The following CDH12 variants were observed in gnomAD, a reference collection of about 807,000 sequenced individuals.
CDH12 encodes cadherin 12.
A neutral mutation model predicts 74.1 loss-of-function variants in CDH12; 41 were observed. That is an observed-to-expected ratio of 0.55 (90% CI 0.43 to 0.72). The LOEUF is 0.72. Among genes scored for constraint, CDH12 ranks in the 30% least tolerant of loss-of-function variants. The pLI, the probability that CDH12 is intolerant of heterozygous loss-of-function variation, is 0.00. For synonymous variants in CDH12, 399 were observed against 355.0 expected, an observed-to-expected ratio of 1.12 and a Z score of -1.39; for missense variants, 945 against 977.2, an observed-to-expected ratio of 0.97 and a Z score of 0.44.
intron 4 of CDH12, among the ~76,000 whole-genome samples, chr5:22,161,417 G>T (rs1398022410): frequency 2.0e-5 from 3 of 152,048 alleles, no homozygotes; most frequent in Non-Finnish European, 4.4e-5. Context: ...AAAATATCTG[G>T]CTGGGCATGT....
chr5:22,250,793 G>A (rs1753109094), intron 3 of CDH12, among the ~76,000 whole-genome samples: 3 of 152,158 alleles, frequency 2.0e-5, no homozygotes, highest in Admixed American at 2.0e-4. Flanking sequence ...GAACTAATAA[G>A]AGAGGGCTTG....
chr5:22,478,416 T>C (rs1347858167), intron 2 of CDH12, among the ~76,000 whole-genome samples: 5 of 6,100 alleles, frequency 8.2e-4, no homozygotes, highest in Non-Finnish European at 1.8e-3. Flanking sequence ...AGACTCCGTC[T>C]CAAAAAAAAA....
At chr5:22,560,120 A>C (rs1380259694) in intron 1 of CDH12, among the ~76,000 whole-genome samples, 2 of 152,106 alleles carry the variant, frequency 1.3e-5, no homozygotes, top group East Asian at 3.8e-4. Flanking sequence ...TTTTTGATGA[A>C]GATGTCTTTA....
At chr5:21,899,380 G>C (rs1753279280) in intron 6 of CDH12, among the ~76,000 whole-genome samples, 1 of 152,148 alleles carries the variant, frequency 6.6e-6, no homozygotes, top group African/African-American at 2.4e-5. Flanking sequence ...TTAGAAAATA[G>C]ATACTTGATA....
At chr5:22,177,057 C>T (rs1160237405) in intron 4 of CDH12, among the ~76,000 whole-genome samples, 1 of 152,092 alleles carries the variant, frequency 6.6e-6, no homozygotes, top group Non-Finnish European at 1.5e-5. Context: ...TTTATGATAA[C>T]CTGACATAAT....
At chr5:22,252,184 GAGATAAATACTAC>G (rs1476372766) in intron 3 of CDH12, among the ~76,000 whole-genome samples, 1 of 151,858 alleles carries the variant, frequency 6.6e-6, no homozygotes. Flanking sequence ...AACAAAAAAA[GAGATAAATACTAC>G]AGAAGGGATT....
chr5:22,648,065 T>C (rs748243124), intron 1 of CDH12, among the ~76,000 whole-genome samples: 5 of 151,908 alleles, frequency 3.3e-5, no homozygotes, highest in Admixed American at 6.6e-5. Context: ...CACTTTGTTA[T>C]GATTTAGAGT....
intron 1 of CDH12, among the ~76,000 whole-genome samples, chr5:22,650,092 G>A (rs572063399): frequency 6.6e-6 from 1 of 151,952 alleles, no homozygotes; most frequent in East Asian, 1.9e-4. Context: ...TTATGTAAAG[G>A]CTAAAACCAG....
intron 1 of CDH12, among the ~76,000 whole-genome samples, chr5:22,593,482 A>C (rs778718856): frequency 6.6e-6 from 1 of 152,040 alleles, no homozygotes; most frequent in Admixed American, 6.6e-5. Flanking sequence ...TTACCTTTCA[A>C]ATTTTCTTAT....
chr5:22,499,112 C>T (rs1353804466), intron 2 of CDH12, among the ~76,000 whole-genome samples: 1 of 151,206 alleles, frequency 6.6e-6, no homozygotes, highest in Non-Finnish European at 1.5e-5. Flanking sequence ...AGGGTTTCAC[C>T]ATTTTGGCCA....
intron 4 of CDH12, among the ~76,000 whole-genome samples, chr5:22,147,541 A>T (rs1160357284): frequency 1.3e-5 from 2 of 151,100 alleles, no homozygotes; most frequent in African/African-American, 4.9e-5. Context: ...GTATTAGTCC[A>T]TTTTCATGCT....
chr5:22,397,927 C>T (rs988376967), intron 3 of CDH12, among the ~76,000 whole-genome samples: 1 of 152,018 alleles, frequency 6.6e-6, no homozygotes, highest in Non-Finnish European at 1.5e-5. Context: ...AAGCCAAGAA[C>T]AGAGACCTCA....
intron 6 of CDH12, among the ~76,000 whole-genome samples, chr5:21,878,172 A>G (rs1295184625): frequency 6.6e-6 from 1 of 152,206 alleles, no homozygotes; most frequent in Non-Finnish European, 1.5e-5. Flanking sequence ...CTGATTTCAT[A>G]TTAAGGTTTT....
intron 6 of CDH12, among the ~76,000 whole-genome samples, chr5:21,941,687 A>G (rs1284767701): frequency 2.0e-5 from 3 of 152,106 alleles, no homozygotes; most frequent in Non-Finnish European, 4.4e-5. Context: ...CAAGTAAGAG[A>G]GAGATATTAA....
intron 2 of CDH12, among the ~76,000 whole-genome samples, chr5:22,409,298 A>G (rs553380780): frequency 2.6e-5 from 4 of 152,104 alleles, no homozygotes; most frequent in South Asian, 2.1e-4. Context: ...AAGTCTTCTT[A>G]TCTGAGGTAT....
At chr5:22,047,980 C>T (rs537544767) in intron 5 of CDH12, among the ~76,000 whole-genome samples, 9 of 152,216 alleles carry the variant, frequency 5.9e-5, no homozygotes, top group African/African-American at 1.7e-4. Flanking sequence ...TTTTGAGAGA[C>T]TTCATATTGT....
intron 8 of CDH12, among the ~76,000 whole-genome samples, chr5:21,840,679 C>T (rs909008839): frequency 2.7e-4 from 41 of 152,052 alleles, no homozygotes; most frequent in African/African-American, 9.4e-4. Context: ...TGGAACAGAA[C>T]AGAGCCCTCA....
intron 8 of CDH12, among the ~76,000 whole-genome samples, chr5:21,837,747 T>C (rs973864463): frequency 1.3e-5 from 2 of 152,136 alleles, no homozygotes; most frequent in Admixed American, 6.6e-5. Flanking sequence ...AAAATGACAG[T>C]GTAGTAAAAA....
At chr5:22,851,222 G>A (rs374352230) in intron 1 of CDH12, among the ~76,000 whole-genome samples, 6 of 151,840 alleles carry the variant, frequency 4.0e-5, no homozygotes, top group African/African-American at 7.3e-5. Context: ...CAATAATGCA[G>A]CTTTCTCTTT....
Sources: allele counts gnomAD v4.1 joint callset (sites outside exome capture counted in the v4.1 genomes callset), GRCh38; gene constraint gnomAD v4.1.1; transcripts MANE v1.5; gene names NCBI Gene and HGNC (gene_info 2026-07-23, HGNC 2026-07-21).